Variants in BLOC1S5 observed in about 807,000 individuals in gnomAD.
The protein encoded by BLOC1S5 is biogenesis of lysosomal organelles complex 1 subunit 5, also known as biogenesis of lysosome-related organelles complex 1 subunit 5.
A neutral mutation model predicts 24.3 loss-of-function variants in BLOC1S5; 27 were observed. That is an observed-to-expected ratio of 1.11 (90% CI 0.82 to 1.53). The LOEUF is 1.53. BLOC1S5 is among the 40% of genes most tolerant of loss of function. BLOC1S5 has a pLI of 0.00. For missense variants in BLOC1S5, 239 were observed against 229.4 expected (o/e 1.04, Z -0.27); for synonymous variants, 84 against 74.5 (o/e 1.13, Z -0.66).
chr6:8,016,456 T>A (rs556835223), intron 4 of BLOC1S5, among the ~76,000 whole-genome samples: 7 of 152,262 alleles, frequency 4.6e-5, no homozygotes, highest in Admixed American at 2.6e-4. Flanking sequence ...AAACCAATTT[T>A]AAAAAAATAT....
At chr6:8,032,218 C>T (rs1763321925) in intron 3 of BLOC1S5, among the ~76,000 whole-genome samples, 1 of 151,996 alleles carries the variant, frequency 6.6e-6, no homozygotes, top group Admixed American at 6.6e-5. Flanking sequence ...CTATGCATCC[C>T]ACAAAAGACT....
Position 8,064,330 on chromosome 6 carries a change from G to C in BLOC1S5, c.47C>G (p.Pro16Arg), listed in dbSNP as rs1331192055. Residue 16 changes from proline to arginine, a missense_variant, in exon 1 of 5, where the codon CCG (proline) becomes CGG (arginine). Physicochemically the swap from Pro to Arg is moderately radical, Grantham distance 103 (BLOSUM62 -2). Coordinates refer to ENST00000397457, the MANE Select transcript of BLOC1S5 (RefSeq NM_201280.3). ...GTCCCTCTTCTTGCTGCCACCGCCC[G>C]GGGCGGCCTCACAACCCACAGGGGT... Reference protein sequence around the residue: ...TETPVGCEAAPGGGSKKRDSL... With the variant: ...TETPVGCEAARGGGSKKRDSL... 9 of 1,613,042 alleles carry C rather than the reference G, an allele frequency of 5.6e-6. No homozygotes were observed. In the Admixed American group the frequency reaches 1.3e-4, roughly 24 times the overall value.
At chr6:8,064,161 C>G in intron 1 of BLOC1S5, 104 bp downstream of exon 1, 1 of 958,138 alleles carries the variant, frequency 1.0e-6, no homozygotes, top group Non-Finnish European at 1.5e-6. Context: ...CAAACGCACG[C>G]GCGCCAGCCC....
intron 3 of BLOC1S5, among the ~76,000 whole-genome samples, chr6:8,033,288 C>A (rs9379155): frequency 0.39 from 58,853 of 151,990 alleles, 13,421 homozygotes; most frequent in East Asian, 0.78. Context: ...ATATACAGAC[C>A]AATGGAACAG....
At chr6:8,032,296 T>A (rs774001907) in intron 3 of BLOC1S5, among the ~76,000 whole-genome samples, 11 of 152,060 alleles carry the variant, frequency 7.2e-5, no homozygotes, top group Non-Finnish European at 1.0e-4. Flanking sequence ...AAAAATGGGC[T>A]AAGGATGTGA....
chr6:8,045,689 G>T (rs1434219740), intron 2 of BLOC1S5, among the ~76,000 whole-genome samples: 1 of 152,214 alleles, frequency 6.6e-6, no homozygotes, highest in Non-Finnish European at 1.5e-5. Flanking sequence ...AGTCAAAGGG[G>T]ATCATTTTGG....
At chr6:8,029,391 C>G (rs1763219502) in intron 3 of BLOC1S5, among the ~76,000 whole-genome samples, 4 of 152,228 alleles carry the variant, frequency 2.6e-5, no homozygotes, top group Admixed American at 2.6e-4. Context: ...ATCTCCCTGA[C>G]TCATGGTTTC....
At chr6:8,036,104 A>G (rs1363556586) in intron 3 of BLOC1S5, among the ~76,000 whole-genome samples, 1 of 152,184 alleles carries the variant, frequency 6.6e-6, no homozygotes, top group South Asian at 2.1e-4. Flanking sequence ...CACACACACA[A>G]CATGCTCCTG....
intron 4 of BLOC1S5, among the ~76,000 whole-genome samples, chr6:8,016,092 G>A (rs1762723149): frequency 2.0e-5 from 3 of 152,220 alleles, no homozygotes; most frequent in East Asian, 1.9e-4. Context: ...CTGGGAGGCC[G>A]AAGCCGGTGG....
At chr6:8,049,746 C>G (rs2815146) in intron 2 of BLOC1S5, among the ~76,000 whole-genome samples, 66,821 of 151,538 alleles carry the variant, frequency 0.44, 15,839 homozygotes, top group East Asian at 0.8. Flanking sequence ...GGGTCTCACT[C>G]TGTTGCCCAG....
intron 2 of BLOC1S5, among the ~76,000 whole-genome samples, chr6:8,043,779 G>A (rs1763775559): frequency 6.6e-6 from 1 of 152,166 alleles, no homozygotes; most frequent in South Asian, 2.1e-4. Flanking sequence ...GTGTTGATAT[G>A]GTTTGGCTGT....
At chr6:8,030,626 C>T (rs1763263661) in intron 3 of BLOC1S5, among the ~76,000 whole-genome samples, 1 of 151,362 alleles carries the variant, frequency 6.6e-6, no homozygotes, top group Admixed American at 6.6e-5. Context: ...AATCCCAACA[C>T]TTTGGGATGC....
chr6:8,023,913 T>C (rs578208496), intron 4 of BLOC1S5, among the ~76,000 whole-genome samples: 6 of 152,118 alleles, frequency 3.9e-5, no homozygotes, highest in Admixed American at 1.3e-4. Flanking sequence ...AGAAGCTACA[T>C]ATGGCAGTAA....
intron 2 of BLOC1S5, 94 bp from the exon 3 acceptor site, chr6:8,041,362 G>T (rs956028568): frequency 4.8e-6 from 6 of 1,242,884 alleles, no homozygotes; most frequent in African/African-American, 1.9e-5. Flanking sequence ...GCCCAGACTG[G>T]AGTGCGGTGG....
intron 4 of BLOC1S5, among the ~76,000 whole-genome samples, chr6:8,019,433 C>G (rs986727507): frequency 1.3e-5 from 2 of 151,934 alleles, no homozygotes; most frequent in Admixed American, 1.3e-4. Flanking sequence ...CACACCTGGA[C>G]AATTTTTGTA....
chr6:8,040,774 T>C (rs1763650449), intron 3 of BLOC1S5, among the ~76,000 whole-genome samples: 1 of 151,358 alleles, frequency 6.6e-6, no homozygotes, highest in Non-Finnish European at 1.5e-5. Flanking sequence ...AAGAACCACT[T>C]GAATCTGGGA....
intron 2 of BLOC1S5, among the ~76,000 whole-genome samples, chr6:8,056,513 C>A (rs1764313674): frequency 6.6e-6 from 1 of 152,216 alleles, no homozygotes. Flanking sequence ...CCACTGCCAC[C>A]TTCTCCAGAT....
In BLOC1S5 at chr6:8,017,567, G is replaced by T. The variant is rs566245249; in HGVS notation, c.385-1739C>A. 3.9e-5 allele frequency among the ~76,000 whole-genome samples: 6 copies of T among 152,320 alleles called. No individual in the cohort carries two copies. The South Asian group carries it at 1.2e-3, about 32-fold the overall frequency. ...AGACCATCTTCAGGCTGTTCATCAC[G>T]TTCTTCCTGTTCTATTTTCTCTCTC... On this transcript the variant is annotated intron_variant, in intron 4 of 4. Transcript: ENST00000397457.
In BLOC1S5 at chr6:8,041,212, A is replaced by C; in HGVS notation, c.252T>G (p.His84Gln). 1 of 1,613,010 alleles carries C rather than the reference A, an allele frequency of 6.2e-7. No homozygotes were observed. The highest frequency in any genetic ancestry group is 8.5e-7 in the Non-Finnish European group (1 of 1,179,492). ...RVLENLKNMI[H>Q]ETNEHTLPKC... ...TGGGAAGAGTATGTTCATTTGTTTCATGGATCATGTTCTTCAAATTTTCAA... is the reference window on the plus strand; with the variant it reads ...TGGGAAGAGTATGTTCATTTGTTTCCTGGATCATGTTCTTCAAATTTTCAA... The change falls in exon 3 of 5, where the codon CAT becomes CAG. Residue 84 changes from histidine (H) to glutamine (Q), a missense_variant. His to Gln is a conservative substitution (Grantham distance 24). Transcript: ENST00000397457.
Sources: gnomAD v4.1 joint callset for allele counts (sites outside exome capture counted in the v4.1 genomes callset) on GRCh38, gnomAD v4.1.1 for gene constraint, MANE v1.5 for transcripts, NCBI Gene and HGNC (gene_info 2026-07-23, HGNC 2026-07-21) for gene names.